The following CRHR2 variants were observed in gnomAD, a reference collection of about 807,000 sequenced individuals.
CRHR2 encodes corticotropin releasing hormone receptor 2.
A neutral mutation model predicts 57.9 loss-of-function variants in CRHR2; 53 were observed. The observed-to-expected ratio is 0.92, with a 90% CI of 0.73 to 1.15. The LOEUF (loss-of-function observed/expected upper bound fraction) is 1.15. CRHR2 is among the 50% of genes most tolerant of loss of function. The pLI is 0.00. For synonymous variants in CRHR2, 213 were observed against 220.9 expected (o/e 0.96, Z 0.32); for missense variants, 532 against 542.6 (o/e 0.98, Z 0.19).
In CRHR2 at chr7:30,664,580, TAG is replaced by T; in HGVS notation, c.543+488_543+489del. Among the ~76,000 whole-genome samples the T allele has an allele frequency of 2.0e-5, 3 of 152,234 alleles. No individual in the cohort carries two copies. In the South Asian group the frequency reaches 6.2e-4, roughly 32 times the overall value. On this transcript the variant is annotated intron_variant, in intron 5 of 11. Coordinates refer to ENST00000471646, the MANE Select transcript of CRHR2 (RefSeq NM_001883.5). Reference sequence around the variant, plus strand: ...AGGAGTGGACTAGGATAAATGTGTCTAGAGTCAGCTTTGTGAAGCTCCCAGCC... The same window carrying T: ...AGGAGTGGACTAGGATAAATGTGTCTAGTCAGCTTTGTGAAGCTCCCAGCC...
intron 9 of CRHR2, 52 bp from the exon 10 acceptor site, chr7:30,655,767 C>T (rs1783759822): frequency 6.3e-7 from 1 of 1,595,764 alleles, no homozygotes; most frequent in South Asian, 1.1e-5. Flanking sequence ...GGCAGGGCCT[C>T]ACCCAGTGGG....
intron 7 of CRHR2, among the ~76,000 whole-genome samples, chr7:30,661,909 G>A (rs573984000): frequency 2.0e-5 from 3 of 152,082 alleles, no homozygotes; most frequent in East Asian, 1.9e-4. Flanking sequence ...GGGGTCATGC[G>A]TTGGGTCGGG....
chr7:30,668,590 A>G (rs1410995313), intron 2 of CRHR2, among the ~76,000 whole-genome samples: 1 of 152,230 alleles, frequency 6.6e-6, no homozygotes, highest in East Asian at 1.9e-4. Flanking sequence ...GTTCTGAAAT[A>G]ATTAAGTTAC....
chr7:30,677,405 C>G (rs1351069614), intron 2 of CRHR2, among the ~76,000 whole-genome samples: 1 of 152,138 alleles, frequency 6.6e-6, no homozygotes, highest in Non-Finnish European at 1.5e-5. Context: ...AAGTGCCCCA[C>G]TTCTGGCCAA....
intron 1 of CRHR2, among the ~76,000 whole-genome samples, chr7:30,698,818 C>A (rs1401716542): frequency 6.6e-6 from 1 of 152,196 alleles, no homozygotes; most frequent in Non-Finnish European, 1.5e-5. Flanking sequence ...ACTTGTATTA[C>A]CTCAATGTTC....
intron 1 of CRHR2, among the ~76,000 whole-genome samples, chr7:30,696,283 TTGTC>T (rs1204922166): frequency 6.6e-6 from 1 of 152,204 alleles, no homozygotes; most frequent in African/African-American, 2.4e-5. Context: ...TATAATTAGA[TTGTC>T]TGTAACACAA....
intron 2 of CRHR2, among the ~76,000 whole-genome samples, chr7:30,680,967 C>G (rs1784685266): frequency 6.6e-6 from 1 of 152,022 alleles, no homozygotes; most frequent in Admixed American, 6.6e-5. Flanking sequence ...GCGTGCTTGA[C>G]AACTGGGGTC....
At position 30,662,200 on chromosome 7, in the gene CRHR2, G is replaced by C. The variant is rs1784029491; in HGVS notation, c.714C>G (p.Ile238Met). The C allele has an allele frequency of 1.2e-6, 2 of 1,614,184 alleles. No individual in the cohort carries two copies. The highest frequency in any genetic ancestry group is 1.7e-6 in the Non-Finnish European group (2 of 1,180,034). ...GCTTGCCGATGGCCCAGGCGACGAT[G>C]ATGGGGAAGGGGATGCCTGAAAGAA... ...LFIGWCIPFP[I>M]IVAWAIGKLY... The change falls in exon 7 of 12, where the codon ATC (isoleucine) becomes ATG (methionine). Residue 238 changes from isoleucine (I) to methionine (M), a missense_variant. Transcript: ENST00000471646.
intron 2 of CRHR2, among the ~76,000 whole-genome samples, chr7:30,667,846 T>C (rs151191357): frequency 4.9e-4 from 74 of 152,348 alleles, no homozygotes; most frequent in African/African-American, 1.6e-3. Context: ...ATGAACCCAT[T>C]TCAAAGAGGA....
At chr7:30,690,289 G>A (rs908515992) in intron 1 of CRHR2, among the ~76,000 whole-genome samples, 1 of 152,236 alleles carries the variant, frequency 6.6e-6, no homozygotes, top group Non-Finnish European at 1.5e-5. Context: ...TCTAGTTAGA[G>A]AGCACAGCAT....
chr7:30,674,401 G>T (rs1022124462), intron 2 of CRHR2, among the ~76,000 whole-genome samples: 12 of 152,162 alleles, frequency 7.9e-5, no homozygotes, highest in Non-Finnish European at 1.6e-4. Flanking sequence ...AAGTGGGGAG[G>T]GGACCAACAC....
At chr7:30,655,201 G>A in intron 10 of CRHR2, 121 bp from the exon 11 acceptor site, 2 of 1,139,382 alleles carry the variant, frequency 1.8e-6, no homozygotes, top group African/African-American at 1.5e-5. Context: ...AACCCCTGGA[G>A]TCAGAGCTGG....
At chr7:30,687,696 C>T (rs1382268372) in intron 2 of CRHR2, among the ~76,000 whole-genome samples, 4 of 152,170 alleles carry the variant, frequency 2.6e-5, no homozygotes, top group South Asian at 2.1e-4. Context: ...GGACCCTATC[C>T]GCTGCACTCA....
chr7:30,680,185 C>T (rs1051737349), intron 2 of CRHR2, among the ~76,000 whole-genome samples: 25 of 152,152 alleles, frequency 1.6e-4, no homozygotes, highest in Admixed American at 8.5e-4. Flanking sequence ...GTGCTTCCCC[C>T]CTAATTAGGG....
At chr7:30,679,532 CTT>C (rs1784627150) in intron 2 of CRHR2, among the ~76,000 whole-genome samples, 1 of 152,166 alleles carries the variant, frequency 6.6e-6, no homozygotes, top group Middle Eastern at 3.2e-3. Flanking sequence ...ATGATCAACA[CTT>C]AGCTTTGTGG....
In CRHR2 at chr7:30,653,458, G is replaced by T; in HGVS notation, c.*2C>A. 6.2e-7 allele frequency: 1 copy of T among 1,613,202 alleles called. No homozygotes were observed. Among genetic ancestry groups the T allele is most frequent in the Non-Finnish European group, 8.5e-7 (1 of 1,179,726 alleles). ...GAGCTGTGCAGGTGGGCGACCGAGG[G>T]GTCACACAGCGGCCGTCTGCTTGAT... On this transcript the variant is annotated 3_prime_UTR_variant, in exon 12 of 12. Coordinates refer to ENST00000471646, the MANE Select transcript of CRHR2 (RefSeq NM_001883.5). This position sits in a 1 kb window ranked among gnomAD's most constrained non-coding sequence, Gnocchi z 5.0.
At chr7:30,654,776 C>T (rs981981967) in intron 11 of CRHR2, 7 of 1,536,610 alleles carry the variant, frequency 4.6e-6, no homozygotes, top group Non-Finnish European at 6.1e-6. Context: ...TTCCATGAGG[C>T]CCTGCGGCCT....
At chr7:30,697,472 A>G (rs537399713) in intron 1 of CRHR2, among the ~76,000 whole-genome samples, 3 of 152,118 alleles carry the variant, frequency 2.0e-5, no homozygotes, top group Non-Finnish European at 2.9e-5. Context: ...GCCTAACACC[A>G]CTTAACAGCT....
upstream of CRHR2, among the ~76,000 whole-genome samples, chr7:30,687,267 C>T (rs1784873488): frequency 6.6e-6 from 1 of 152,136 alleles, no homozygotes; most frequent in Non-Finnish European, 1.5e-5. Context: ...GCAGCCTCTA[C>T]ATCCACCATC....
Sources: allele counts gnomAD v4.1 joint callset (sites outside exome capture counted in the v4.1 genomes callset), GRCh38; gene constraint gnomAD v4.1.1; non-coding constraint Gnocchi (gnomAD v3.1); transcripts MANE v1.5; gene names NCBI Gene and HGNC (gene_info 2026-07-23, HGNC 2026-07-21).